The following PODXL variants were observed in gnomAD, a reference collection of about 807,000 sequenced individuals.
PODXL encodes the protein podocalyxin like, also known as podocalyxin.
A neutral mutation model predicts 48.9 loss-of-function variants in PODXL; 20 were observed. That is an observed-to-expected ratio of 0.41 (90% CI 0.29 to 0.59). The LOEUF (loss-of-function observed/expected upper bound fraction) is 0.59. Ranked by LOEUF, PODXL falls within the 20% of genes least tolerant of loss-of-function variation. The pLI is 0.31. For missense variants in PODXL, 606 were observed against 675.1 expected, an observed-to-expected ratio of 0.90 and a Z score of 1.13; for synonymous variants, 295 against 287.4, an observed-to-expected ratio of 1.03 and a Z score of -0.27.
chr7:131,535,456 G>A (rs1026945277), intron 1 of PODXL, among the ~76,000 whole-genome samples: 4 of 152,184 alleles, frequency 2.6e-5, no homozygotes, highest in African/African-American at 7.2e-5. Flanking sequence ...TCTCTCCATG[G>A]CCCTGTGTGC....
intron 1 of PODXL, among the ~76,000 whole-genome samples, chr7:131,555,116 A>C (rs1339696936): frequency 6.6e-6 from 1 of 151,986 alleles, no homozygotes; most frequent in Non-Finnish European, 1.5e-5. Flanking sequence ...CAGAGGAGAG[A>C]CTGTACTGCC....
intron 8 of PODXL, among the ~76,000 whole-genome samples, chr7:131,505,069 A>G (rs987323737): frequency 6.6e-6 from 1 of 152,132 alleles, no homozygotes; most frequent in Non-Finnish European, 1.5e-5. Context: ...GATTGTTTGA[A>G]TTGGTGTGGG....
At chr7:131,554,301 A>G (rs1477315526) in intron 1 of PODXL, among the ~76,000 whole-genome samples, 1 of 152,096 alleles carries the variant, frequency 6.6e-6, no homozygotes, top group Non-Finnish European at 1.5e-5. Flanking sequence ...ATACATGCAA[A>G]TCATCATCAC....
intron 1 of PODXL, among the ~76,000 whole-genome samples, chr7:131,545,101 G>C (rs780064727): frequency 2.8e-4 from 42 of 152,178 alleles, no homozygotes; most frequent in Non-Finnish European, 4.4e-4. Context: ...CCAGCCACAG[G>C]CAACCGGCAA....
In PODXL at chr7:131,556,250, G is replaced by A. The variant is rs1227674673; in HGVS notation, c.100+10C>T. Reference sequence around the variant, plus strand: ...TGGGAGTCCCGGCGGAACCCAGGCCGGCCACTCACCATTCTGGGAGGGCGA... The same window carrying A: ...TGGGAGTCCCGGCGGAACCCAGGCCAGCCACTCACCATTCTGGGAGGGCGA... On this transcript the variant is annotated intron_variant, in intron 1 of 8. Coordinates refer to ENST00000378555, the MANE Select transcript of PODXL (RefSeq NM_001018111.3). 3 of 1,473,128 alleles carry A rather than the reference G, an allele frequency of 2.0e-6. No individual in the cohort carries two copies. The highest frequency in any genetic ancestry group is 1.8e-6 in the Non-Finnish European group (2 of 1,114,840). The allele number at this position is 1,473,128 out of a possible 1,614,324, so 91.3% of individuals were successfully genotyped here.
intron 5 of PODXL, among the ~76,000 whole-genome samples, chr7:131,507,486 C>T (rs754122926): frequency 6.6e-6 from 1 of 152,180 alleles, no homozygotes; most frequent in Non-Finnish European, 1.5e-5. Context: ...CTCCCTGGGG[C>T]TTCTCTGACC....
rs1192729053 is a variant in PODXL, at chr7:131,504,179, T to TG, written c.*131dup. 95 of 691,374 alleles carry TG rather than the reference T, an allele frequency of 1.4e-4. No homozygotes were observed. Among genetic ancestry groups the TG allele is most frequent in the Non-Finnish European group, 3.0e-5 (12 of 404,114 alleles). The allele number at this position is 691,374 out of a possible 1,614,324, so 42.8% of individuals were successfully genotyped here. ...GTTGAAAAGGGAAAAATTAAGGCCC[T>TG]GGGGGGATTGGGAGGGGACACCCCT... On this transcript the variant is annotated 3_prime_UTR_variant, in exon 9 of 9. Transcript: ENST00000378555.
chr7:131,532,994 C>T (rs975790490), intron 1 of PODXL, among the ~76,000 whole-genome samples: 1 of 152,158 alleles, frequency 6.6e-6, no homozygotes, highest in Non-Finnish European at 1.5e-5. Flanking sequence ...GCCTAAGCCA[C>T]CCAGCCGACA....
rs377103431 is a variant in PODXL, at chr7:131,509,579, G to A, written c.809C>T (p.Ser270Leu). The A allele has an allele frequency of 1.4e-5, 22 of 1,538,338 alleles. No homozygotes were observed. Among genetic ancestry groups the A allele is most frequent in the African/African-American group, 1.1e-4 (8 of 72,378 alleles). The change falls in exon 4 of 9, where the codon TCG becomes TTG. Residue 270 changes from serine to leucine, a missense_variant. By Grantham distance (145) the Ser-to-Leu change is moderately radical (BLOSUM62 -2). Coordinates refer to ENST00000378555, the MANE Select transcript of PODXL (RefSeq NM_001018111.3). ...ASQSAGITAS[S>L]VISQRTQQTS... is the part of the protein sequence containing the mutation. Reference sequence around the variant, plus strand: ...CTGTTGAGTTCTTTGCGAGATAACCGATGACGCTGTCATTGGGAAAACGAG... The same window carrying A: ...CTGTTGAGTTCTTTGCGAGATAACCAATGACGCTGTCATTGGGAAAACGAG...
At chr7:131,529,330 C>G (rs753730361) in intron 1 of PODXL, among the ~76,000 whole-genome samples, 4 of 152,016 alleles carry the variant, frequency 2.6e-5, no homozygotes, top group African/African-American at 4.8e-5. Flanking sequence ...GCCAGGGGGA[C>G]AGTGGGAGGA....
At position 131,520,466 on chromosome 7, in the gene PODXL, T is replaced by C. The variant is rs1798073907; in HGVS notation, c.101-9033A>G. 4 of 213,912 alleles carry C rather than the reference T, an allele frequency of 1.9e-5. No individual in the cohort carries two copies. In the South Asian group the frequency reaches 2.3e-4, roughly 12 times the overall value. The allele number at this position is 213,912 out of a possible 1,614,324, so 13.3% of individuals were successfully genotyped here. A position where few individuals can be genotyped will look rare whatever the true frequency, so the allele number is the denominator to read the frequency against. On this transcript the variant is annotated intron_variant, in intron 1 of 8. Transcript: ENST00000378555. Reference sequence around the variant, plus strand: ...ACTTTGGTTACCCACGTGCCTGTTATCACTTTCAAAAATCTATAGACAGTC... The same window carrying C: ...ACTTTGGTTACCCACGTGCCTGTTACCACTTTCAAAAATCTATAGACAGTC...
At chr7:131,552,520 G>T (rs1365264197) in intron 1 of PODXL, among the ~76,000 whole-genome samples, 1 of 152,144 alleles carries the variant, frequency 6.6e-6, no homozygotes. Context: ...AACCAGATGG[G>T]GGACAGCCTC....
chr7:131,537,893 C>T (rs80130775), intron 1 of PODXL, among the ~76,000 whole-genome samples: 4,021 of 152,218 alleles, frequency 0.026, 76 homozygotes, highest in South Asian at 0.077. Flanking sequence ...GGTGTGCGGT[C>T]GCAGACTGTT....
At position 131,511,540 on chromosome 7, in the gene PODXL, C is replaced by A. The variant is rs908614077; in HGVS notation, c.101-107G>T. ...GAGGCCTTGCTCGCAGCCCTGCTGT[C>A]TGCCTTGCTAAAGGCCTGGGTCTTT... On this transcript the variant is annotated intron_variant, in intron 1 of 8. Coordinates refer to ENST00000378555, the MANE Select transcript of PODXL (RefSeq NM_001018111.3). The A allele has an allele frequency of 4.2e-6, 5 of 1,182,180 alleles. No individual in the cohort carries two copies. The African/African-American group carries it at 6.0e-5, about 14-fold the overall frequency. 73.2% of individuals were successfully genotyped at this position (1,182,180 alleles called of 1,614,324 possible).
chr7:131,541,366 G>A (rs146078711), intron 1 of PODXL, among the ~76,000 whole-genome samples: 1 of 151,406 alleles, frequency 6.6e-6, no homozygotes, highest in Non-Finnish European at 1.5e-5. Flanking sequence ...GGTTGGGGGT[G>A]ACTTGGGGGT....
chr7:131,529,563 T>C (rs1798240761), intron 1 of PODXL, among the ~76,000 whole-genome samples: 1 of 151,754 alleles, frequency 6.6e-6, no homozygotes, highest in Non-Finnish European at 1.5e-5. Flanking sequence ...TATCGACCTC[T>C]CCTTCCTTCT....
chr7:131,546,537 C>T (rs1052084801), intron 1 of PODXL, among the ~76,000 whole-genome samples: 13 of 151,868 alleles, frequency 8.6e-5, no homozygotes, highest in African/African-American at 3.1e-4. Context: ...ACCAGCCTGG[C>T]CAACATGGGG....
chr7:131,507,071 C>T (rs140470139), intron 5 of PODXL: 78 of 260,472 alleles, frequency 3.0e-4, no homozygotes, highest in Non-Finnish European at 3.8e-4. Context: ...CTCCCTAGAA[C>T]GGGCTAGAGA....
In PODXL at chr7:131,556,332, G is replaced by A. The variant is rs1413766184; in HGVS notation, c.28C>T (p.Leu10=). ...GGCGGCGTTGACAACAGTAGCAGCA[G>A]CGCCGAGAGCGCCAGCGCGCAGCGC... is the stretch of plus-strand genomic sequence containing the variant. MRCALALSA[L]LLLLSTPPLL... Residue 10 remains leucine, a synonymous_variant, in exon 1 of 9, where the codon CTG becomes TTG. Coordinates refer to ENST00000378555, the MANE Select transcript of PODXL (RefSeq NM_001018111.3). The A allele has an allele frequency of 1.4e-6, 2 of 1,474,022 alleles. No individual in the cohort carries two copies. Among genetic ancestry groups the A allele is most frequent in the Admixed American group, 2.4e-5 (1 of 41,602 alleles). The allele number at this position is 1,474,022 out of a possible 1,614,324, so 91.3% of individuals were successfully genotyped here. A position where few individuals can be genotyped will look rare whatever the true frequency, so the allele number is the denominator to read the frequency against.
Sources: gnomAD v4.1 joint callset for allele counts (sites outside exome capture counted in the v4.1 genomes callset) on GRCh38, gnomAD v4.1.1 for gene constraint, MANE v1.5 for transcripts, NCBI Gene and HGNC (gene_info 2026-07-23, HGNC 2026-07-21) for gene names.